The following TANC1 variants were observed in gnomAD, a reference collection of about 807,000 sequenced individuals.
The protein encoded by TANC1 is tetratricopeptide repeat, ankyrin repeat and coiled-coil containing 1.
Under a neutral mutation model 149.7 loss-of-function variants are expected in TANC1, and 77 were observed. That is an observed-to-expected ratio of 0.51 (90% CI 0.43 to 0.62). The LOEUF (loss-of-function observed/expected upper bound fraction) is 0.62. TANC1 is among the 20% of genes least tolerant of loss of function. The pLI is 0.00. For synonymous variants in TANC1, 854 were observed against 925.0 expected (o/e 0.92, Z 1.39); for missense variants, 1,985 against 2,321.8 (o/e 0.85, Z 2.98).
rs779710343 is a variant in TANC1, at chr2:159,229,552, A to G, written c.4152-26A>G. The G allele has an allele frequency of 7.1e-5, 111 of 1,564,872 alleles. 1 individual carries two copies. The highest frequency in any genetic ancestry group is 8.9e-5 in the Non-Finnish European group (102 of 1,143,020). ...TGAGCATGTTCGTGTGTGGTTTGTA[A>G]TGTTACCTTACATTTTCCTACAAAG... is the stretch of plus-strand genomic sequence containing the variant. On this transcript the variant is annotated intron_variant, in intron 26 of 26. Coordinates refer to ENST00000263635, the MANE Select transcript of TANC1 (RefSeq NM_033394.3).
chr2:159,130,000 G>T (rs1054804161), intron 4 of TANC1, among the ~76,000 whole-genome samples: 2 of 152,080 alleles, frequency 1.3e-5, no homozygotes, highest in Non-Finnish European at 2.9e-5. Context: ...GCCTGTGCAC[G>T]TTACAGCTGG....
chr2:159,208,381 C>T (rs1201411862), intron 19 of TANC1, among the ~76,000 whole-genome samples: 1 of 152,130 alleles, frequency 6.6e-6, no homozygotes, highest in African/African-American at 2.4e-5. Flanking sequence ...CACATGAAGT[C>T]CTGTTTACAG....
At chr2:159,219,598 G>T (rs2059561574) in intron 21 of TANC1, 94 bp from the exon 22 acceptor site, 2 of 1,501,476 alleles carry the variant, frequency 1.3e-6, no homozygotes, top group Non-Finnish European at 9.2e-7. Context: ...CTGACACTTG[G>T]TTCAGGCCGG....
chr2:159,201,473 G>A (rs6705962), intron 19 of TANC1, among the ~76,000 whole-genome samples: 145,889 of 152,296 alleles, frequency 0.96, 69,887 homozygotes, highest in East Asian at 1. Context: ...TCAAGCCATG[G>A]GCCCCGGGAT....
chr2:159,127,103 T>C (rs971027261), intron 4 of TANC1, among the ~76,000 whole-genome samples: 18 of 152,168 alleles, frequency 1.2e-4, no homozygotes, highest in African/African-American at 4.3e-4. Context: ...AATGATACCT[T>C]ATTGAAAGGA....
At chr2:159,181,050 G>A (rs1227646445) in intron 14 of TANC1, among the ~76,000 whole-genome samples, 1 of 152,142 alleles carries the variant, frequency 6.6e-6, no homozygotes, top group Non-Finnish European at 1.5e-5. Flanking sequence ...AATTATAAAA[G>A]CAGAAAATTT....
chr2:158,999,177 G>A (rs577743211), intron 1 of TANC1, among the ~76,000 whole-genome samples: 1 of 152,330 alleles, frequency 6.6e-6, no homozygotes, highest in African/African-American at 2.4e-5. Context: ...GGAGGTCAGA[G>A]TGATGTAATG....
At chr2:159,115,524 C>T (rs1159270183) in intron 4 of TANC1, among the ~76,000 whole-genome samples, 1 of 152,146 alleles carries the variant, frequency 6.6e-6, no homozygotes, top group East Asian at 1.9e-4. Flanking sequence ...GTACTCAAGG[C>T]AGGGGCTTCC....
rs779259761 is a variant in TANC1 at position 159,217,508 on chromosome 2, G to A, written c.3256G>A (p.Ala1086Thr). The A allele has an allele frequency of 1.1e-5, 18 of 1,614,090 alleles. No individual in the cohort carries two copies. The highest frequency in any genetic ancestry group is 4.4e-5 in the South Asian group (4 of 91,086). Residue 1086 changes from alanine to threonine, a missense_variant, in exon 20 of 27, where the codon GCC becomes ACC. Coordinates refer to ENST00000263635, the MANE Select transcript of TANC1 (RefSeq NM_033394.3). The stretch of plus-strand genomic sequence containing the variant: ...TGACTTTCCTTTAGCCCTGACTGCC[G>A]CCGCAGGAAGAGGGAAGCTGGAGGT... ...TLWGETALTA[A>T]AGRGKLEVCE...
chr2:159,131,522 T>G (rs966222786), intron 4 of TANC1, among the ~76,000 whole-genome samples: 2 of 30,696 alleles, frequency 6.5e-5, no homozygotes, highest in Admixed American at 2.7e-4. Context: ...CCCCCGCCCC[T>G]TCCCCTGCCC....
chr2:159,092,858 G>A (rs1004731012), intron 3 of TANC1, among the ~76,000 whole-genome samples: 2 of 152,106 alleles, frequency 1.3e-5, no homozygotes, highest in African/African-American at 4.8e-5. Context: ...GTGTCGTTTT[G>A]GGGATCTCTA....
intron 4 of TANC1, among the ~76,000 whole-genome samples, chr2:159,134,963 A>G (rs2050510535): frequency 6.6e-6 from 1 of 152,158 alleles, no homozygotes; most frequent in Admixed American, 6.5e-5. Flanking sequence ...ATACACATCC[A>G]TACAGTTCAC....
At chr2:159,091,969 G>GGGGGGT (rs561460848) in intron 3 of TANC1, among the ~76,000 whole-genome samples, 2 of 145,252 alleles carry the variant, frequency 1.4e-5, no homozygotes, top group Non-Finnish European at 3.0e-5. Flanking sequence ...TATAGGGGGG[G>GGGGGGT]GTGTGTGTGT....
chr2:159,112,821 TC>T (rs1289297536), intron 4 of TANC1, among the ~76,000 whole-genome samples: 1 of 151,952 alleles, frequency 6.6e-6, no homozygotes, highest in Non-Finnish European at 1.5e-5. Flanking sequence ...CCTCAAGCTA[TC>T]CCCCAGCCTT....
intron 2 of TANC1, among the ~76,000 whole-genome samples, chr2:159,049,177 G>A (rs1294742928): frequency 6.6e-6 from 1 of 152,126 alleles, no homozygotes; most frequent in East Asian, 1.9e-4. Context: ...TATTATTGTG[G>A]AATTTAGAAA....
intron 16 of TANC1, among the ~76,000 whole-genome samples, chr2:159,188,281 A>T (rs192321157): frequency 6.6e-6 from 1 of 152,378 alleles, no homozygotes; most frequent in Admixed American, 6.5e-5. Flanking sequence ...TCATACAGGA[A>T]TGAATGTCAT....
chr2:159,096,827 G>A (rs987154906), intron 3 of TANC1, among the ~76,000 whole-genome samples: 11 of 152,162 alleles, frequency 7.2e-5, no homozygotes, highest in African/African-American at 2.4e-4. Flanking sequence ...TGGCGGGAAA[G>A]TTGTTGACTG....
intron 2 of TANC1, among the ~76,000 whole-genome samples, chr2:159,004,594 G>A (rs1250578048): frequency 6.6e-6 from 1 of 151,628 alleles, no homozygotes; most frequent in African/African-American, 2.4e-5. Context: ...TTTTTGTTTG[G>A]GGTATTTTTG....
chr2:158,994,752 C>T (rs1271445358), intron 1 of TANC1, among the ~76,000 whole-genome samples: 8 of 152,126 alleles, frequency 5.3e-5, no homozygotes, highest in African/African-American at 1.9e-4. Flanking sequence ...TACTATTTTG[C>T]CAAGTCATAA....
Sources: allele counts gnomAD v4.1 joint callset (sites outside exome capture counted in the v4.1 genomes callset), GRCh38; gene constraint gnomAD v4.1.1; transcripts MANE v1.5; gene names NCBI Gene and HGNC (gene_info 2026-07-23, HGNC 2026-07-21).